COL22A1: variants seen among roughly 807,000 people sequenced by gnomAD.
COL22A1 encodes the protein collagen alpha-1(XXII) chain.
A neutral mutation model predicts 248.9 loss-of-function variants in COL22A1; 221 were observed. That is an observed-to-expected ratio of 0.89 (90% CI 0.80 to 0.99). The LOEUF (loss-of-function observed/expected upper bound fraction) is 0.99, where lower values mean the gene tolerates loss of function less well. COL22A1 is among the 50% of genes least tolerant of loss of function. The pLI, the probability that COL22A1 is intolerant of heterozygous loss-of-function variation, is 0.00. For synonymous variants in COL22A1, 891 were observed against 793.4 expected, an observed-to-expected ratio of 1.12 and a Z score of -2.07; for missense variants, 2,240 against 2,179.0, an observed-to-expected ratio of 1.03 and a Z score of -0.56.
intron 30 of COL22A1, among the ~76,000 whole-genome samples, chr8:138,709,825 T>C (rs539170666): frequency 1.4e-4 from 22 of 152,186 alleles, no homozygotes; most frequent in Non-Finnish European, 3.1e-4. Flanking sequence ...CATCTTCCTG[T>C]TGATGACATT....
chr8:138,898,674 A>G (rs1194840907), intron 1 of COL22A1, among the ~76,000 whole-genome samples: 1 of 152,174 alleles, frequency 6.6e-6, no homozygotes, highest in Non-Finnish European at 1.5e-5. Flanking sequence ...AGGCCCCTGA[A>G]GACAAGCTTT....
intron 41 of COL22A1, among the ~76,000 whole-genome samples, chr8:138,667,694 G>A (rs1281180401): frequency 1.3e-5 from 2 of 152,034 alleles, no homozygotes; most frequent in Admixed American, 1.3e-4. Context: ...TCTCTGTATA[G>A]AACTATTCCA....
intron 41 of COL22A1, 108 bp downstream of exon 41, chr8:138,676,450 A>AAAGAAAGAAAGG (rs1825543610): frequency 3.6e-6 from 2 of 549,618 alleles, no homozygotes; most frequent in African/African-American, 4.6e-5. Flanking sequence ...AGAAAGAAAG[A>AAAGAAAGAAAGG]AAGAAAGGAA....
intron 30 of COL22A1, among the ~76,000 whole-genome samples, chr8:138,706,504 C>T (rs977805289): frequency 3.3e-5 from 5 of 152,202 alleles, no homozygotes; most frequent in African/African-American, 1.2e-4. Context: ...CACTCAACCA[C>T]ATGGAAACTG....
intron 6 of COL22A1, 123 bp from the exon 7 acceptor site, chr8:138,821,534 C>T (rs1819132655): frequency 1.0e-6 from 1 of 992,418 alleles, no homozygotes; most frequent in Non-Finnish European, 1.5e-6. Context: ...GTGACTCTTA[C>T]CAGCTGGTCA....
At chr8:138,704,713 G>A (rs539596420) in intron 30 of COL22A1, among the ~76,000 whole-genome samples, 24 of 152,278 alleles carry the variant, frequency 1.6e-4, no homozygotes, top group African/African-American at 4.1e-4. Flanking sequence ...AAATCAGAGC[G>A]CCTCGCCTCC....
chr8:138,819,207 A>C (rs564068586), intron 7 of COL22A1, among the ~76,000 whole-genome samples: 1 of 152,254 alleles, frequency 6.6e-6, no homozygotes, highest in South Asian at 2.1e-4. Flanking sequence ...CTAAAATTTT[A>C]TGTTTCCCAA....
intron 3 of COL22A1, among the ~76,000 whole-genome samples, chr8:138,861,481 T>C (rs1563855115): frequency 6.6e-6 from 1 of 152,190 alleles, no homozygotes; most frequent in African/African-American, 2.4e-5. Context: ...CAGGCTGGCC[T>C]CTCTGCAATG....
chr8:138,630,863 C>T, intron 49 of COL22A1, 115 bp from the exon 50 acceptor site: 3 of 914,200 alleles, frequency 3.3e-6, no homozygotes, highest in South Asian at 2.7e-5. Context: ...CCCTCCAAAT[C>T]TCATGTTGAA....
intron 5 of COL22A1, among the ~76,000 whole-genome samples, chr8:138,832,077 C>T (rs1820086331): frequency 6.6e-6 from 1 of 152,180 alleles, no homozygotes; most frequent in South Asian, 2.1e-4. Flanking sequence ...TCTGGTCGTT[C>T]TCACTGCTAC....
intron 56 of COL22A1, among the ~76,000 whole-genome samples, chr8:138,609,993 G>T (rs1011868446): frequency 2.6e-5 from 4 of 152,160 alleles, no homozygotes; most frequent in African/African-American, 9.7e-5. Context: ...CCTATTCTAA[G>T]ACCCCTCCTT....
chr8:138,862,470 C>T (rs1465361786), intron 3 of COL22A1, among the ~76,000 whole-genome samples: 2 of 152,058 alleles, frequency 1.3e-5, no homozygotes, highest in Non-Finnish European at 2.9e-5. Flanking sequence ...CCCGGAGTGC[C>T]CTTTGCCTGG....
intron 16 of COL22A1, among the ~76,000 whole-genome samples, chr8:138,772,363 T>A (rs1834444320): frequency 6.6e-6 from 1 of 152,032 alleles, no homozygotes; most frequent in Non-Finnish European, 1.5e-5. Flanking sequence ...GGCAAACAAA[T>A]GCCATGTGGT....
intron 49 of COL22A1, among the ~76,000 whole-genome samples, chr8:138,632,518 G>A (rs957973588): frequency 1.9e-4 from 29 of 152,124 alleles, no homozygotes; most frequent in Admixed American, 1.5e-3. Flanking sequence ...GCAAGTTCCC[G>A]CAGTACTCTA....
chr8:138,894,008 C>T (rs1450066687), intron 1 of COL22A1, among the ~76,000 whole-genome samples: 2 of 152,076 alleles, frequency 1.3e-5, no homozygotes, highest in Non-Finnish European at 2.9e-5. Context: ...CAGGAATAGC[C>T]CACCTCCCAT....
At chr8:138,669,725 T>C (rs781521753) in intron 41 of COL22A1, among the ~76,000 whole-genome samples, 1 of 152,164 alleles carries the variant, frequency 6.6e-6, no homozygotes, top group Non-Finnish European at 1.5e-5. Flanking sequence ...GGCAGTGGCA[T>C]GTCAAGCCAA....
intron 7 of COL22A1, among the ~76,000 whole-genome samples, chr8:138,816,556 C>T (rs1420931177): frequency 6.6e-6 from 1 of 152,202 alleles, no homozygotes; most frequent in Non-Finnish European, 1.5e-5. Context: ...GGAGCACAGA[C>T]AGCTGGAAGG....
intron 63 of COL22A1, 36 bp downstream of exon 63, chr8:138,593,981 G>A: frequency 2.7e-6 from 4 of 1,468,160 alleles, no homozygotes; most frequent in Non-Finnish European, 3.6e-6. Context: ...CCCTCCAGGA[G>A]TACACGGAGC....
At chr8:138,772,319 G>A (rs1834436857) in intron 16 of COL22A1, among the ~76,000 whole-genome samples, 1 of 152,152 alleles carries the variant, frequency 6.6e-6, no homozygotes. Context: ...AAATCCAAGA[G>A]TCTACATATG....
Sources: gnomAD v4.1 joint callset for allele counts (sites outside exome capture counted in the v4.1 genomes callset) on GRCh38, gnomAD v4.1.1 for gene constraint, MANE v1.5 for transcripts, NCBI Gene and HGNC (gene_info 2026-07-23, HGNC 2026-07-21) for gene names.